SERPINE3: variants seen among roughly 807,000 people sequenced by gnomAD.
SERPINE3 encodes the protein serpin family E member 3, also known as serpin E3.
SERPINE3 carries 43 observed loss-of-function variants against 41.7 expected under a neutral mutation model. The ratio of observed to expected loss-of-function variants is 1.03; its 90% CI spans 0.81 to 1.33. SERPINE3 has a LOEUF of 1.33. Among genes scored for constraint, SERPINE3 ranks in the 40% most tolerant of loss-of-function variants. SERPINE3 has a pLI of 0.00. For synonymous variants in SERPINE3, 200 were observed against 192.2 expected, an observed-to-expected ratio of 1.04 and a Z score of -0.34; for missense variants, 440 against 491.7, an observed-to-expected ratio of 0.89 and a Z score of 0.99.
At chr13:51,360,094 C>A (rs1344652355) in intron 7 of SERPINE3, among the ~76,000 whole-genome samples, 3 of 152,054 alleles carry the variant, frequency 2.0e-5, no homozygotes, top group East Asian at 3.8e-4. Flanking sequence ...GCCGCATATT[C>A]TTTATTTTGG....
chr13:51,359,737 C>T (rs980210363), intron 7 of SERPINE3, among the ~76,000 whole-genome samples: 7 of 152,058 alleles, frequency 4.6e-5, no homozygotes, highest in Non-Finnish European at 8.8e-5. Context: ...CATGAAGTCT[C>T]GGAGATTAGT....
intron 4 of SERPINE3, among the ~76,000 whole-genome samples, chr13:51,345,893 G>A (rs1191128865): frequency 6.6e-6 from 1 of 152,224 alleles, no homozygotes; most frequent in Non-Finnish European, 1.5e-5. Context: ...TCAGAGCACA[G>A]AGTCCAGAGC....
At chr13:51,356,195 A>G (rs1466561874) in intron 7 of SERPINE3, among the ~76,000 whole-genome samples, 1 of 152,184 alleles carries the variant, frequency 6.6e-6, no homozygotes. Flanking sequence ...GCAAAGCAAT[A>G]GTCAAGTTTG....
intron 4 of SERPINE3, among the ~76,000 whole-genome samples, chr13:51,345,557 T>C (rs1364787626): frequency 3.1e-5 from 4 of 128,952 alleles, no homozygotes; most frequent in African/African-American, 1.2e-4. Flanking sequence ...ACTGCGTCAC[T>C]GCACTCCAGC....
chr13:51,340,935 C>T, intron 2 of SERPINE3, 74 bp downstream of exon 2: 1 of 764,678 alleles, frequency 1.3e-6, no homozygotes, highest in South Asian at 1.8e-5. Flanking sequence ...GGTAGGTAAC[C>T]AAGACAGCTC....
At position 51,349,004 on chromosome 13, in the gene SERPINE3, G is replaced by A. The variant is rs114045604; in HGVS notation, c.899+593G>A. Among the ~76,000 whole-genome samples the A allele has an allele frequency of 8.7e-3, 1,326 of 152,290 alleles. 21 individuals are homozygous for A. The highest frequency in any genetic ancestry group is 0.03 in the African/African-American group (1,228 of 41,548). On this transcript the variant is annotated intron_variant, in intron 6 of 9. Coordinates refer to ENST00000681248, the MANE Select transcript of SERPINE3 (RefSeq NM_001386375.1). ...CAAATACAAATCAAAAAGTGAAGTG[G>A]TGGCATTCTATGTTGCTTTTTCAAA...
intron 6 of SERPINE3, chr13:51,353,974 G>A (rs1955439937): frequency 6.6e-6 from 1 of 152,048 alleles, no homozygotes; most frequent in Admixed American, 6.6e-5. Context: ...TATAAAATTG[G>A]TGTAGTGATT....
At chr13:51,363,653 A>G (rs1955628305) in intron 9 of SERPINE3, 1 of 151,908 alleles carries the variant, frequency 6.6e-6, no homozygotes, top group African/African-American at 2.4e-5. Context: ...ATTCTACAAC[A>G]AGTATTCTAA....
At chr13:51,347,964 C>T (rs796301402) in intron 5 of SERPINE3, among the ~76,000 whole-genome samples, 3 of 152,108 alleles carry the variant, frequency 2.0e-5, no homozygotes, top group Admixed American at 6.5e-5. Flanking sequence ...CGTCCCCCCC[C>T]CCATACCCAG....
At chr13:51,347,827 C>T (rs538142288) in intron 5 of SERPINE3, among the ~76,000 whole-genome samples, 37 of 152,090 alleles carry the variant, frequency 2.4e-4, no homozygotes, top group Non-Finnish European at 4.1e-4. Flanking sequence ...TCTCAGTCAT[C>T]AGATCGAGAA....
intron 4 of SERPINE3, among the ~76,000 whole-genome samples, chr13:51,345,373 T>C (rs142562575): frequency 0.011 from 1,613 of 152,114 alleles, 34 homozygotes; most frequent in African/African-American, 0.036. Context: ...GGCGGGCAGA[T>C]CACGAGGTCA....
chr13:51,356,260 T>G (rs1200479504), intron 7 of SERPINE3, among the ~76,000 whole-genome samples: 1 of 152,080 alleles, frequency 6.6e-6, no homozygotes, highest in Non-Finnish European at 1.5e-5. Context: ...GTAAATACTG[T>G]TGACTTGGTC....
At chr13:51,360,895 C>T (rs549847922) in intron 7 of SERPINE3, among the ~76,000 whole-genome samples, 58 of 152,110 alleles carry the variant, frequency 3.8e-4, no homozygotes, top group African/African-American at 1.3e-3. Flanking sequence ...TGCATTTTAA[C>T]ACATACCCTA....
chr13:51,354,573 T>C (rs756180712), intron 6 of SERPINE3, among the ~76,000 whole-genome samples: 3 of 147,500 alleles, frequency 2.0e-5, no homozygotes, highest in Admixed American at 6.8e-5. Context: ...CCGGGCAACA[T>C]AGGGAGACCC....
At chr13:51,360,153 G>A (rs1453357660) in intron 7 of SERPINE3, among the ~76,000 whole-genome samples, 1 of 152,032 alleles carries the variant, frequency 6.6e-6, no homozygotes, top group Non-Finnish European at 1.5e-5. Flanking sequence ...CTGTGTGTGC[G>A]TGACAAACAC....
Position 51,364,579 on chromosome 13 carries a change from C to T in SERPINE3, c.*297C>T, listed in dbSNP as rs1955649868. 1 of 269,980 alleles carries T rather than the reference C, an allele frequency of 3.7e-6. No individual in the cohort carries two copies. The allele number at this position is 269,980 out of a possible 1,614,324, so 16.7% of individuals were successfully genotyped here. A position where few individuals can be genotyped will look rare whatever the true frequency, so the allele number is the denominator to read the frequency against. The stretch of plus-strand genomic sequence containing the variant: ...AGGCCATAAGATTGCTTCCTCAGTA[C>T]GGATACTCTAGGCCATGTTGAATTG... On this transcript the variant is annotated 3_prime_UTR_variant, in exon 10 of 10. Coordinates refer to ENST00000681248, the MANE Select transcript of SERPINE3 (RefSeq NM_001386375.1).
chr13:51,356,302 C>G (rs1955480724), intron 7 of SERPINE3, among the ~76,000 whole-genome samples: 2 of 151,942 alleles, frequency 1.3e-5, no homozygotes, highest in African/African-American at 4.8e-5. Context: ...TCCTTACTGA[C>G]ACAGGCATAA....
chr13:51,346,553 C>G (rs1217711566), intron 4 of SERPINE3, among the ~76,000 whole-genome samples: 1 of 152,186 alleles, frequency 6.6e-6, no homozygotes, highest in African/African-American at 2.4e-5. Context: ...TCTACCAACC[C>G]AACTCCAGAG....
rs539163768 is a variant in SERPINE3, at chr13:51,346,364, A to G, written c.491-661A>G. Among the ~76,000 whole-genome samples the G allele has an allele frequency of 2.0e-5, 3 of 152,258 alleles. No individual in the cohort carries two copies. The South Asian group carries it at 6.2e-4, about 32-fold the overall frequency. On this transcript the variant is annotated intron_variant, in intron 4 of 9. Coordinates refer to ENST00000681248, the MANE Select transcript of SERPINE3 (RefSeq NM_001386375.1). Reference sequence around the variant, plus strand: ...AATGTGCAGGATCTCCCATCACAGCACATACTCCTTCCAAGGGTCTGCCTG... The same window carrying G: ...AATGTGCAGGATCTCCCATCACAGCGCATACTCCTTCCAAGGGTCTGCCTG...
Sources: gnomAD v4.1 joint callset for allele counts (sites outside exome capture counted in the v4.1 genomes callset) on GRCh38, gnomAD v4.1.1 for gene constraint, MANE v1.5 for transcripts, NCBI Gene and HGNC (gene_info 2026-07-23, HGNC 2026-07-21) for gene names.